SUPT3H: variants seen among roughly 807,000 people sequenced by gnomAD.
The protein encoded by SUPT3H is transcription initiation protein SPT3 homolog.
In SUPT3H, 44 loss-of-function variants were observed where a neutral mutation model predicts 44.3. That is an observed-to-expected ratio of 0.99 (90% CI 0.78 to 1.28). SUPT3H has a LOEUF of 1.28. Ranked by LOEUF, SUPT3H falls within the 50% of genes most tolerant of loss-of-function variation. The pLI is 0.00. For synonymous variants in SUPT3H, 124 were observed against 125.6 expected (o/e 0.99, Z 0.09); for missense variants, 380 against 387.1 (o/e 0.98, Z 0.15).
intron 2 of SUPT3H, among the ~76,000 whole-genome samples, chr6:45,309,770 T>C (rs1783667435): frequency 6.6e-6 from 1 of 151,536 alleles, no homozygotes; most frequent in Non-Finnish European, 1.5e-5. Context: ...AAATCACATA[T>C]AACAGAGTTC....
chr6:44,923,651 T>C (rs765038895), intron 10 of SUPT3H, among the ~76,000 whole-genome samples: 25 of 152,048 alleles, frequency 1.6e-4, no homozygotes, highest in Non-Finnish European at 3.1e-4. Context: ...GAACAGTCAC[T>C]GTATACCACA....
At chr6:44,974,840 C>A (rs17339124) in intron 6 of SUPT3H, among the ~76,000 whole-genome samples, 3 of 151,870 alleles carry the variant, frequency 2.0e-5, no homozygotes, top group Non-Finnish European at 2.9e-5. Flanking sequence ...ATTCTATACC[C>A]TATGTGAAAG....
intron 10 of SUPT3H, among the ~76,000 whole-genome samples, chr6:44,907,831 T>G (rs1582418411): frequency 1.4e-5 from 2 of 143,506 alleles, no homozygotes; most frequent in South Asian, 2.2e-4. Context: ...AATTTCTGAT[T>G]TGCTAAAAAT....
At chr6:45,321,935 T>A in intron 2 of SUPT3H, 1 of 1,103,764 alleles carries the variant, frequency 9.1e-7, no homozygotes, top group Non-Finnish European at 1.3e-6. Context: ...TTAAAACATA[T>A]TATAAATAAA....
chr6:45,353,421 A>G (rs893317904), intron 2 of SUPT3H, among the ~76,000 whole-genome samples: 7 of 152,086 alleles, frequency 4.6e-5, no homozygotes, highest in African/African-American at 1.4e-4. Flanking sequence ...ATAATAACTA[A>G]AATAATGCAG....
chr6:44,820,465 C>A (rs1324445305), intron 11 of SUPT3H, among the ~76,000 whole-genome samples: 2 of 152,002 alleles, frequency 1.3e-5, no homozygotes, highest in African/African-American at 2.4e-5. Flanking sequence ...GATGACGAGC[C>A]AGGACAGAAG....
Position 45,322,860 on chromosome 6 carries a change from T to C in SUPT3H, c.101+42341A>G, listed in dbSNP as rs536442142. On this transcript the variant is annotated intron_variant, in intron 2 of 10. Coordinates refer to ENST00000371459, the MANE Select transcript of SUPT3H (RefSeq NM_003599.4). ...TAGATTCATCCAAAAGCAGTGGCAC[T>C]GGAGAGCCTCTGTCTCACCTGTCAA... The C allele has an allele frequency of 5.9e-5, 94 of 1,602,482 alleles. 1 individual carries two copies. In the South Asian group the frequency reaches 1.0e-3, roughly 17 times the overall value.
intron 10 of SUPT3H, among the ~76,000 whole-genome samples, chr6:44,912,534 G>C (rs1767215231): frequency 6.6e-6 from 1 of 152,208 alleles, no homozygotes. Flanking sequence ...AGTGGAACCT[G>C]AACAATGTTT....
intron 10 of SUPT3H, among the ~76,000 whole-genome samples, chr6:44,862,782 T>C (rs1774879520): frequency 6.6e-6 from 1 of 152,152 alleles, no homozygotes; most frequent in Middle Eastern, 3.4e-3. Flanking sequence ...CCCTTCTCTT[T>C]TGTATTTGTT....
chr6:45,096,408 G>T (rs1251068916), intron 3 of SUPT3H, among the ~76,000 whole-genome samples: 1 of 151,998 alleles, frequency 6.6e-6, no homozygotes, highest in Admixed American at 6.6e-5. Flanking sequence ...ATTTAACATA[G>T]TATATAATCT....
At chr6:45,179,089 T>A (rs1279885773) in intron 2 of SUPT3H, among the ~76,000 whole-genome samples, 1 of 152,080 alleles carries the variant, frequency 6.6e-6, no homozygotes, top group Non-Finnish European at 1.5e-5. Context: ...CATCAGAGAA[T>A]ACTACAAACA....
At chr6:45,293,634 G>C (rs957916372) in intron 2 of SUPT3H, among the ~76,000 whole-genome samples, 1 of 152,086 alleles carries the variant, frequency 6.6e-6, no homozygotes, top group African/African-American at 2.4e-5. Flanking sequence ...TATAAGCTCA[G>C]TGAGAAACAA....
intron 3 of SUPT3H, among the ~76,000 whole-genome samples, chr6:45,069,255 A>G (rs1009995649): frequency 4.6e-5 from 7 of 152,196 alleles, no homozygotes; most frequent in African/African-American, 1.4e-4. Flanking sequence ...AGGAACCAAA[A>G]ACTTCATGCA....
At chr6:44,814,042 C>T (rs1766736049) in intron 11 of SUPT3H, among the ~76,000 whole-genome samples, 1 of 152,038 alleles carries the variant, frequency 6.6e-6, no homozygotes, top group South Asian at 2.1e-4. Context: ...TGTCATACTA[C>T]AACTGTTAAA....
At position 44,863,699 on chromosome 6, in the gene SUPT3H, CT is replaced by C. The variant is rs200630877; in HGVS notation, c.913-33843del. The stretch of plus-strand genomic sequence containing the variant: ...GATCATGTGGGGCTGTATTTTCATG[CT>C]GCTGATAAAGACATACTCAAGACTG... On this transcript the variant is annotated intron_variant, in intron 10 of 10. Transcript: ENST00000371459. Among the ~76,000 whole-genome samples the C allele has an allele frequency of 1.0e-3, 158 of 152,054 alleles. 2 individuals are homozygous for C. In the East Asian group the frequency reaches 0.025, roughly 24 times the overall value.
intron 3 of SUPT3H, among the ~76,000 whole-genome samples, chr6:45,053,171 A>G (rs1790569773): frequency 6.6e-6 from 1 of 151,494 alleles, no homozygotes; most frequent in Non-Finnish European, 1.5e-5. Flanking sequence ...AGTAGCTGGG[A>G]CTATAGGCAT....
At chr6:45,042,328 C>A (rs1788668621) in intron 3 of SUPT3H, among the ~76,000 whole-genome samples, 2 of 152,220 alleles carry the variant, frequency 1.3e-5, no homozygotes, top group South Asian at 4.1e-4. Context: ...GAGGCTGAGG[C>A]AGGAGAATTG....
intron 2 of SUPT3H, among the ~76,000 whole-genome samples, chr6:45,225,460 T>C (rs1200234201): frequency 6.6e-6 from 1 of 152,118 alleles, no homozygotes; most frequent in African/African-American, 2.4e-5. Context: ...ACCAAATCTT[T>C]ACAGATAGCT....
In SUPT3H at chr6:45,142,736, C is replaced by CAAAAAAAAAAAA; in HGVS notation, c.102-36742_102-36731dup. ...GGGCAAGAAGAGCTAAACTCCGTCTCAAAAAAAAAAAAAAAAAAAAAAAAA... is the reference window on the plus strand; with the variant it reads ...GGGCAAGAAGAGCTAAACTCCGTCTCAAAAAAAAAAAAAAAAAAAAAAAAAAAAAAAAAAAAA... On this transcript the variant is annotated intron_variant, in intron 2 of 10. Transcript: ENST00000371459. 5.2e-3 allele frequency among the ~76,000 whole-genome samples: 78 copies of CAAAAAAAAAAAA among 14,964 alleles called. 6 individuals carry two copies. The highest frequency in any genetic ancestry group is 6.3e-3 in the Non-Finnish European group (56 of 8,866). 9.8% of individuals were successfully genotyped at this position (14,964 alleles called of 152,430 possible). A position where few individuals can be genotyped will look rare whatever the true frequency, so the allele number is the denominator to read the frequency against.
Sources: allele counts gnomAD v4.1 joint callset (sites outside exome capture counted in the v4.1 genomes callset), GRCh38; gene constraint gnomAD v4.1.1; transcripts MANE v1.5; gene names NCBI Gene and HGNC (gene_info 2026-07-23, HGNC 2026-07-21).